The following ANK3 variants were observed in gnomAD, a reference collection of about 807,000 sequenced individuals.
ANK3 encodes the protein ankyrin 3, also known as ankyrin-3.
A neutral mutation model predicts 370.9 loss-of-function variants in ANK3; 57 were observed. The ratio of observed to expected loss-of-function variants is 0.15; its 90% CI spans 0.12 to 0.19. The LOEUF (loss-of-function observed/expected upper bound fraction) is 0.19. ANK3 is among the 10% of genes least tolerant of loss of function. The probability of loss-of-function intolerance (pLI) is 1.00; values close to 1 mark genes in which losing one functional copy is unlikely to be tolerated. For synonymous variants in ANK3, 1,929 were observed against 1,946.3 expected (o/e 0.99, Z 0.23); for missense variants, 4,439 against 5,302.1 (o/e 0.84, Z 5.06).
intron 2 of ANK3, among the ~76,000 whole-genome samples, chr10:60,515,007 TA>T (rs1424097452): frequency 6.6e-6 from 1 of 152,158 alleles, no homozygotes. Flanking sequence ...TGCCAAAATT[TA>T]CATACACTAT....
intron 23 of ANK3, chr10:60,139,380 G>C (rs911307448): frequency 1.2e-5 from 4 of 327,138 alleles, no homozygotes; most frequent in Non-Finnish European, 2.2e-5. Context: ...TGACTAGAAA[G>C]GTGGATGTTT....
Position 60,075,392 on chromosome 10 carries a change from A to C in ANK3, c.5489T>G (p.Val1830Gly). Residue 1830 changes from valine (V) to glycine (G), a missense_variant, in exon 37 of 44, where the codon GTT (valine) becomes GGT (glycine). This residue lies in a region of ANK3 where 679 missense variants were observed against 791.0 expected (regional missense o/e 0.86). Coordinates refer to ENST00000280772, the MANE Select transcript of ANK3 (RefSeq NM_020987.5). Reference protein sequence around the residue: ...ITVPVYSVVNVLPEPALKKLP... With the variant: ...ITVPVYSVVNGLPEPALKKLP... The stretch of plus-strand genomic sequence containing the variant: ...TTTCTTTAATGCTGGTTCTGGCAAA[A>C]CATTGACTACAGAGTATACTGGCAC... 1 of 1,613,982 alleles carries C rather than the reference A, an allele frequency of 6.2e-7. No homozygotes were observed. The highest frequency in any genetic ancestry group is 1.1e-5 in the South Asian group (1 of 91,084).
chr10:60,258,907 C>T (rs546737369), intron 7 of ANK3, among the ~76,000 whole-genome samples: 1 of 152,324 alleles, frequency 6.6e-6, no homozygotes, highest in Admixed American at 6.5e-5. Context: ...CTCATCAATA[C>T]CTCTCTCCAA....
At chr10:60,178,143 G>A (rs1455687418) in intron 18 of ANK3, among the ~76,000 whole-genome samples, 1 of 152,114 alleles carries the variant, frequency 6.6e-6, no homozygotes, top group Non-Finnish European at 1.5e-5. Context: ...GCTTAGCCTG[G>A]TACATTAAGG....
At chr10:60,566,065 T>A (rs2077453400) in intron 2 of ANK3, among the ~76,000 whole-genome samples, 1 of 152,238 alleles carries the variant, frequency 6.6e-6, no homozygotes, top group Non-Finnish European at 1.5e-5. Flanking sequence ...ATATTTCAAT[T>A]TTTTTCTTTA....
chr10:60,424,607 C>T (rs182371489), intron 2 of ANK3, among the ~76,000 whole-genome samples: 11 of 152,120 alleles, frequency 7.2e-5, no homozygotes, highest in South Asian at 2.1e-4. Flanking sequence ...TCCACCCTTA[C>T]GATTTTCTGG....
In ANK3 at chr10:60,249,946, C is replaced by T. The variant is rs545449991; in HGVS notation, c.798+11913G>A. On this transcript the variant is annotated intron_variant, in intron 7 of 43. Coordinates refer to ENST00000280772, the MANE Select transcript of ANK3 (RefSeq NM_020987.5). ...CTGCCACTTTATTCTTAGTAGGGCC[C>T]AAGACAAATGGGGGCCTCACTGACT... Among the ~76,000 whole-genome samples the T allele has an allele frequency of 3.6e-4, 55 of 152,254 alleles. 1 individual carries two copies. In the South Asian group the frequency reaches 0.011, roughly 30 times the overall value.
chr10:60,187,010 A>G lies in ANK3; in HGVS notation c.1888-98T>C, dbSNP rs1443489028. ...TTATGTCTCTTTCTAGTGGTTTTCT[A>G]TGATTGCTTAAGAAATCATGATTAA... On this transcript the variant is annotated intron_variant, in intron 16 of 43. Coordinates refer to ENST00000280772, the MANE Select transcript of ANK3 (RefSeq NM_020987.5). 5 of 1,189,494 alleles carry G rather than the reference A, an allele frequency of 4.2e-6. No individual in the cohort carries two copies. The African/African-American group carries it at 4.5e-5, about 11-fold the overall frequency. The allele number at this position is 1,189,494 out of a possible 1,614,324, so 73.7% of individuals were successfully genotyped here.
At chr10:60,609,350 G>C (rs2133315273) in intron 2 of ANK3, among the ~76,000 whole-genome samples, 1 of 152,268 alleles carries the variant, frequency 6.6e-6, no homozygotes, top group South Asian at 2.1e-4. Flanking sequence ...CCTCCAGATG[G>C]AGGGAGCTTG....
chr10:60,524,439 T>C (rs981625086), intron 2 of ANK3, among the ~76,000 whole-genome samples: 2 of 152,094 alleles, frequency 1.3e-5, no homozygotes, highest in African/African-American at 4.8e-5. Context: ...GATTAAATCA[T>C]GAGGGCTGGT....
chr10:60,063,285 A>G (rs2080968966), intron 39 of ANK3, 31 bp from the exon 40 acceptor site: 2 of 1,588,226 alleles, frequency 1.3e-6, no homozygotes, highest in African/African-American at 2.7e-5. Context: ...TTGAAAACCC[A>G]ATTAAATTAT....
At chr10:60,520,478 C>T (rs12269538) in intron 2 of ANK3, among the ~76,000 whole-genome samples, 13,946 of 152,122 alleles carry the variant, frequency 0.092, 740 homozygotes, top group South Asian at 0.18. Flanking sequence ...CCATTCCAAT[C>T]CATTCATAGG....
Position 60,067,937 on chromosome 10 carries a change from G to A in ANK3, c.12317C>T (p.Thr4106Ile). The change falls in exon 38 of 44, where the codon ACA (threonine) becomes ATA (isoleucine). Residue 4106 changes from threonine (T) to isoleucine (I), a missense_variant and splice_region_variant. Coordinates refer to ENST00000280772, the MANE Select transcript of ANK3 (RefSeq NM_020987.5). ...CATTCAGGAGTGTATGCACTTACCT[G>A]TCCAACTAAGTCCCAGGTGATCGGC... ...IVADHLGLSW[T>I]ELARELNFSV... is the part of the protein sequence containing the mutation. 1.2e-6 allele frequency: 2 copies of A among 1,608,438 alleles called. No individual in the cohort carries two copies. Among genetic ancestry groups the A allele is most frequent in the South Asian group, 1.1e-5 (1 of 90,330 alleles).
In ANK3 at chr10:60,360,159, G is replaced by A. The variant is rs139886894; in HGVS notation, c.114+29266C>T. 2.4e-3 allele frequency among the ~76,000 whole-genome samples: 373 copies of A among 152,262 alleles called. 2 individuals are homozygous for A. Among genetic ancestry groups the A allele is most frequent in the Middle Eastern group, 0.02 (6 of 294 alleles). ...CATCTGGTACTCTGTGTGTACATGC[G>A]TGCCTATATGTGTGCCTGGCAGAGT... On this transcript the variant is annotated intron_variant, in intron 1 of 43. Coordinates refer to ENST00000280772, the MANE Select transcript of ANK3 (RefSeq NM_020987.5).
rs1432722328 is a variant in ANK3, at chr10:60,072,840, G to T, written c.8041C>A (p.Gln2681Lys). 9 of 1,614,070 alleles carry T rather than the reference G, an allele frequency of 5.6e-6. No individual in the cohort carries two copies. Among genetic ancestry groups the T allele is most frequent in the Non-Finnish European group, 6.8e-6 (8 of 1,180,000 alleles). The change falls in exon 37 of 44, where the codon CAG becomes AAG. Residue 2681 changes from glutamine to lysine, a missense_variant. Transcript: ENST00000280772. ...ACTGTGGACTTGCTGTCCTCAGTCT[G>T]TTGGGAGAGAACCATCTTCTCTGGG... ...SSPEKMVLSQ[Q>K]TEDSKSTVEA...
intron 39 of ANK3, 87 bp downstream of exon 39, chr10:60,064,070 A>T: frequency 8.0e-7 from 1 of 1,256,558 alleles, no homozygotes; most frequent in Non-Finnish European, 1.1e-6. Context: ...AAATTACAAC[A>T]CTACTTGGAT....
At chr10:60,291,294 A>G (rs1232956609) in intron 1 of ANK3, among the ~76,000 whole-genome samples, 5 of 152,196 alleles carry the variant, frequency 3.3e-5, no homozygotes, top group Non-Finnish European at 7.3e-5. Context: ...CATAGGTATC[A>G]GGAGAGGAGA....
intron 2 of ANK3, among the ~76,000 whole-genome samples, chr10:60,428,375 G>T (rs962834414): frequency 3.3e-5 from 5 of 152,112 alleles, no homozygotes; most frequent in African/African-American, 4.8e-5. Flanking sequence ...CATTTTACAT[G>T]GTGCTGTGAC....
At chr10:60,255,866 T>C (rs1181940357) in intron 7 of ANK3, among the ~76,000 whole-genome samples, 1 of 152,180 alleles carries the variant, frequency 6.6e-6, no homozygotes, top group Non-Finnish European at 1.5e-5. Context: ...AGCCCAGGTG[T>C]AGAGAAAACA....
Sources: allele counts gnomAD v4.1 joint callset (sites outside exome capture counted in the v4.1 genomes callset), GRCh38; gene constraint gnomAD v4.1.1; regional missense constraint gnomAD v4.1.1; transcripts MANE v1.5; gene names NCBI Gene and HGNC (gene_info 2026-07-23, HGNC 2026-07-21).